The following RBFOX1 variants were observed in gnomAD, a reference collection of about 807,000 sequenced individuals.
RBFOX1 encodes the protein RNA binding protein fox-1 homolog 1.
In RBFOX1, 8 loss-of-function variants were observed where a neutral mutation model predicts 57.7. That is an observed-to-expected ratio of 0.14 (90% CI 0.08 to 0.25). The LOEUF is 0.25. RBFOX1 is among the 10% of genes least tolerant of loss of function. RBFOX1 has a pLI of 1.00. For missense variants in RBFOX1, 611 were observed against 548.5 expected (o/e 1.11, Z -1.14); for synonymous variants, 326 against 222.4 (o/e 1.47, Z -4.15).
intron 1 of RBFOX1, among the ~76,000 whole-genome samples, chr16:5,296,621 T>C (rs1293044828): frequency 6.6e-6 from 1 of 151,970 alleles, no homozygotes; most frequent in Non-Finnish European, 1.5e-5. Flanking sequence ...TTTCTGACAT[T>C]TTGTATTCTT....
In RBFOX1 at chr16:5,569,405, G is replaced by T. The variant is rs1457636488; in HGVS notation, c.259-29497G>T. Among the ~76,000 whole-genome samples, 3 of 133,094 alleles carry T rather than the reference G, an allele frequency of 2.3e-5. No homozygotes were observed. The East Asian group carries it at 8.1e-4, about 36-fold the overall frequency. The allele number at this position is 133,094 out of a possible 152,430, so 87.3% of individuals were successfully genotyped here. ...AACAGAATGTATGATGCTCTTTTCA[G>T]ACATTTGGTAAGGGTTAATGATAAG... On this transcript the variant is annotated intron_variant, in intron 2 of 2. Coordinates refer to the RBFOX1 transcript ENST00000585867.
intron 4 of RBFOX1, among the ~76,000 whole-genome samples, chr16:7,234,128 C>T (rs1262719858): frequency 6.6e-6 from 1 of 152,132 alleles, no homozygotes; most frequent in East Asian, 1.9e-4. Flanking sequence ...TTCACAAAGG[C>T]CTGTTTTGCT....
At chr16:5,256,801 G>A (rs1476473007) in intron 1 of RBFOX1, among the ~76,000 whole-genome samples, 1 of 152,044 alleles carries the variant, frequency 6.6e-6, no homozygotes, top group Non-Finnish European at 1.5e-5. Flanking sequence ...CGGTGTGGTG[G>A]CATCTGCCTG....
intron 3 of RBFOX1, among the ~76,000 whole-genome samples, chr16:6,752,921 A>G (rs1021861363): frequency 1.3e-5 from 2 of 151,798 alleles, no homozygotes; most frequent in African/African-American, 2.4e-5. Flanking sequence ...TGTTGGCAAT[A>G]TGTTTATACG....
At chr16:7,399,430 A>G (rs1443106894) in intron 4 of RBFOX1, among the ~76,000 whole-genome samples, 1 of 152,232 alleles carries the variant, frequency 6.6e-6, no homozygotes, top group South Asian at 2.1e-4. Flanking sequence ...CTGGGTAACA[A>G]GAGCAGAACT....
chr16:6,768,567 T>G (rs1405337189), intron 3 of RBFOX1, among the ~76,000 whole-genome samples: 2 of 151,804 alleles, frequency 1.3e-5, no homozygotes, highest in Non-Finnish European at 2.9e-5. Flanking sequence ...TGGGTATGTA[T>G]GAGAGAAAAA....
intron 1 of RBFOX1, among the ~76,000 whole-genome samples, chr16:6,135,058 G>C (rs942435846): frequency 2.0e-5 from 3 of 151,696 alleles, no homozygotes; most frequent in African/African-American, 2.4e-5. Context: ...AAGTGTTCTC[G>C]TTGTTCAATT....
chr16:5,883,293 G>A (rs978133657), intron 4 of RBFOX1, among the ~76,000 whole-genome samples: 5 of 152,068 alleles, frequency 3.3e-5, no homozygotes, highest in Non-Finnish European at 5.9e-5. Context: ...AAATATATGT[G>A]TGTTAAAATC....
chr16:6,547,690 T>C (rs2096915430), intron 2 of RBFOX1, among the ~76,000 whole-genome samples: 1 of 152,176 alleles, frequency 6.6e-6, no homozygotes, highest in South Asian at 2.1e-4. Context: ...ATAAGATAGC[T>C]GATCTTTGTA....
intron 2 of RBFOX1, among the ~76,000 whole-genome samples, chr16:5,488,319 A>C (rs1458657422): frequency 8.3e-6 from 1 of 121,138 alleles, no homozygotes; most frequent in Non-Finnish European, 1.8e-5. Context: ...AATGGTGATG[A>C]TGATGGATAA....
chr16:6,118,882 C>T (rs1271665036), intron 1 of RBFOX1, among the ~76,000 whole-genome samples: 1 of 151,976 alleles, frequency 6.6e-6, no homozygotes, highest in Non-Finnish European at 1.5e-5. Context: ...GCTCTTGTCC[C>T]ATGACCTAAT....
At chr16:6,680,769 C>G (rs1412519040) in intron 3 of RBFOX1, among the ~76,000 whole-genome samples, 4 of 152,158 alleles carry the variant, frequency 2.6e-5, no homozygotes, top group African/African-American at 9.7e-5. Context: ...CGGAAAGATG[C>G]TAGATGGGCA....
At chr16:7,491,640 A>G (rs1026445285) in intron 4 of RBFOX1, among the ~76,000 whole-genome samples, 11 of 151,740 alleles carry the variant, frequency 7.2e-5, no homozygotes, top group Non-Finnish European at 1.3e-4. Flanking sequence ...TATTTTATCT[A>G]TTTTATTTGA....
At chr16:6,897,477 C>A (rs7188167) in intron 3 of RBFOX1, among the ~76,000 whole-genome samples, 31,620 of 152,192 alleles carry the variant, frequency 0.21, 4,031 homozygotes, top group Admixed American at 0.35. Context: ...TGGCTTCCCA[C>A]TGTATTTAAG....
intron 1 of RBFOX1, among the ~76,000 whole-genome samples, chr16:5,361,520 A>C (rs1216985741): frequency 6.6e-6 from 1 of 152,206 alleles, no homozygotes; most frequent in African/African-American, 2.4e-5. Flanking sequence ...TAGCTGCATA[A>C]TTTACAGGCC....
chr16:5,648,631 A>C (rs780686564), intron 3 of RBFOX1, among the ~76,000 whole-genome samples: 1 of 152,208 alleles, frequency 6.6e-6, no homozygotes, highest in Non-Finnish European at 1.5e-5. Flanking sequence ...CAACACGTCA[A>C]GAGTTGACGC....
chr16:7,417,039 A>T (rs1417283924), intron 4 of RBFOX1, among the ~76,000 whole-genome samples: 2 of 151,950 alleles, frequency 1.3e-5, no homozygotes, highest in African/African-American at 4.8e-5. Flanking sequence ...TTTTTAAATG[A>T]TTGAGTTCAT....
At chr16:5,404,084 G>T (rs1468318126) in intron 1 of RBFOX1, among the ~76,000 whole-genome samples, 1 of 149,290 alleles carries the variant, frequency 6.7e-6, no homozygotes, top group South Asian at 2.2e-4. Flanking sequence ...GGGGCGGGGT[G>T]GGGGTGGGCA....
rs1199610356 is a variant in RBFOX1, at chr16:6,677,711, C to A, written c.-16+23061C>A. Among the ~76,000 whole-genome samples the A allele has an allele frequency of 3.3e-5, 5 of 152,208 alleles. No homozygotes were observed. The East Asian group carries it at 9.7e-4, about 29-fold the overall frequency. ...CCATAGACATGTGAGCCATGAAATC[C>A]TTTTTTCCTCTTTTGTAACTTTAAA... On this transcript the variant is annotated intron_variant, in intron 3 of 15. Transcript: ENST00000550418.
Sources: gnomAD v4.1 joint callset for allele counts (sites outside exome capture counted in the v4.1 genomes callset) on GRCh38, gnomAD v4.1.1 for gene constraint, MANE v1.5 for transcripts, NCBI Gene and HGNC (gene_info 2026-07-23, HGNC 2026-07-21) for gene names.